CCDC7: variants seen among roughly 807,000 people sequenced by gnomAD.
CCDC7 encodes coiled-coil domain containing 7.
In CCDC7, 183 loss-of-function variants were observed where a neutral mutation model predicts 196.9. The ratio of observed to expected loss-of-function variants is 0.93; its 90% CI spans 0.82 to 1.05. The LOEUF (loss-of-function observed/expected upper bound fraction) is 1.05. Ranked by LOEUF, CCDC7 falls within the 50% of genes least tolerant of loss-of-function variation. CCDC7 has a pLI of 0.00. For synonymous variants in CCDC7, 525 were observed against 484.6 expected (o/e 1.08, Z -1.10); for missense variants, 1,540 against 1,482.2 (o/e 1.04, Z -0.64).
intron 28 of CCDC7, among the ~76,000 whole-genome samples, chr10:32,772,805 G>A (rs571902068): frequency 2.0e-5 from 3 of 152,146 alleles, no homozygotes; most frequent in Non-Finnish European, 4.4e-5. Context: ...GGACTTTCAG[G>A]ATCCCTGGTG....
chr10:32,601,940 G>C (rs1025236580), intron 18 of CCDC7, among the ~76,000 whole-genome samples: 1 of 152,148 alleles, frequency 6.6e-6, no homozygotes, highest in Non-Finnish European at 1.5e-5. Context: ...CAATCAACAG[G>C]ATGTGGGCGG....
At chr10:32,809,983 G>A (rs1160811744) in intron 30 of CCDC7, among the ~76,000 whole-genome samples, 2 of 152,150 alleles carry the variant, frequency 1.3e-5, no homozygotes, top group Non-Finnish European at 2.9e-5. Context: ...GAACTCAAAT[G>A]TCTATCAGTG....
At chr10:32,693,272 T>C (rs1448756279) in intron 23 of CCDC7, among the ~76,000 whole-genome samples, 12 of 152,222 alleles carry the variant, frequency 7.9e-5, no homozygotes, top group African/African-American at 2.9e-4. Context: ...CAAAAAGTTA[T>C]ACTTAGAGGA....
intron 13 of CCDC7, among the ~76,000 whole-genome samples, chr10:32,563,958 A>G (rs1278189423): frequency 6.6e-6 from 1 of 152,216 alleles, no homozygotes; most frequent in Non-Finnish European, 1.5e-5. Context: ...TTACAAGAAA[A>G]AAACAAACAA....
chr10:32,744,558 T>A (rs2074392845), intron 28 of CCDC7, among the ~76,000 whole-genome samples: 1 of 152,212 alleles, frequency 6.6e-6, no homozygotes, highest in African/African-American at 2.4e-5. Flanking sequence ...AATGCACAAT[T>A]TCCTAATGAC....
At chr10:32,746,205 A>G (rs1337917534) in intron 28 of CCDC7, among the ~76,000 whole-genome samples, 1 of 152,166 alleles carries the variant, frequency 6.6e-6, no homozygotes, top group Non-Finnish European at 1.5e-5. Context: ...CTGAAGGAGT[A>G]GGAAGCTGGG....
intron 38 of CCDC7, among the ~76,000 whole-genome samples, chr10:32,848,215 A>C (rs2093394143): frequency 6.6e-6 from 1 of 152,194 alleles, no homozygotes; most frequent in Non-Finnish European, 1.5e-5. Flanking sequence ...AATAAATCTA[A>C]TAAACATTGG....
chr10:32,697,222 C>T (rs1244773460), intron 24 of CCDC7, among the ~76,000 whole-genome samples: 7 of 152,050 alleles, frequency 4.6e-5, no homozygotes, highest in African/African-American at 7.2e-5. Flanking sequence ...CCAAGATGGC[C>T]GAATAGGAAC....
intron 13 of CCDC7, among the ~76,000 whole-genome samples, chr10:32,547,080 A>G (rs1336890425): frequency 2.0e-5 from 3 of 151,830 alleles, no homozygotes; most frequent in East Asian, 3.9e-4. Context: ...GTGCAGTGGC[A>G]TGACCCTAGC....
chr10:32,621,092 A>G (rs1029234840), intron 18 of CCDC7, among the ~76,000 whole-genome samples: 1 of 152,144 alleles, frequency 6.6e-6, no homozygotes, highest in South Asian at 2.1e-4. Context: ...TTTCAGTGTA[A>G]TTACTAATAG....
At chr10:32,580,262 G>T (rs566274881) in intron 16 of CCDC7, among the ~76,000 whole-genome samples, 100 of 152,044 alleles carry the variant, frequency 6.6e-4, no homozygotes, top group Non-Finnish European at 1.3e-3. Context: ...GTCAGCATAA[G>T]AATTATTTAT....
At chr10:32,807,412 G>T (rs1445596403) in intron 30 of CCDC7, among the ~76,000 whole-genome samples, 2 of 152,042 alleles carry the variant, frequency 1.3e-5, no homozygotes, top group African/African-American at 4.8e-5. Flanking sequence ...TGACAAGAGA[G>T]GGGGCTCCAA....
At chr10:32,787,522 C>T (rs892553090) in intron 29 of CCDC7, among the ~76,000 whole-genome samples, 1 of 152,154 alleles carries the variant, frequency 6.6e-6, no homozygotes, top group African/African-American at 2.4e-5. Context: ...TCCTTAACTT[C>T]GGGCAGCACA....
intron 25 of CCDC7, among the ~76,000 whole-genome samples, chr10:32,718,353 GGT>G (rs2081931547): frequency 1.3e-5 from 2 of 152,060 alleles, no homozygotes; most frequent in Non-Finnish European, 2.9e-5. Context: ...CAATAAACTA[GGT>G]AATGATGGGA....
intron 20 of CCDC7, among the ~76,000 whole-genome samples, chr10:32,639,306 G>A (rs1590949592): frequency 6.6e-6 from 1 of 152,170 alleles, no homozygotes; most frequent in East Asian, 1.9e-4. Context: ...TGCTTCTCTA[G>A]TTCTTTTAAT....
intron 9 of CCDC7, chr10:32,511,777 G>A (rs568332540): frequency 6.9e-7 from 1 of 1,444,394 alleles, no homozygotes; most frequent in East Asian, 2.3e-5. Context: ...CAGCCTCCCG[G>A]AAAGCGGTCG....
rs201160812 is a variant in CCDC7, at chr10:32,875,894, A to AT, written c.4112-445dup. Among the ~76,000 whole-genome samples the AT allele has an allele frequency of 6.8e-3, 1,035 of 151,864 alleles. 8 individuals carry two copies. The highest frequency in any genetic ancestry group is 0.022 in the African/African-American group (902 of 41,474). On this transcript the variant is annotated intron_variant, in intron 41 of 41. Transcript: ENST00000639629. ...AACCATAGGCATATTAAGTATATACATTTTTTTTGTATGCCAAAATACAAA... is the reference window on the plus strand; with the variant it reads ...AACCATAGGCATATTAAGTATATACATTTTTTTTTGTATGCCAAAATACAAA...
intron 21 of CCDC7, among the ~76,000 whole-genome samples, chr10:32,666,690 A>G (rs957011396): frequency 9.9e-5 from 15 of 152,116 alleles, no homozygotes; most frequent in Non-Finnish European, 2.1e-4. Context: ...TCCATGTCCT[A>G]CAAAGGACAT....
At chr10:32,650,984 A>G (rs2068658682) in intron 20 of CCDC7, among the ~76,000 whole-genome samples, 1 of 152,086 alleles carries the variant, frequency 6.6e-6, no homozygotes, top group Admixed American at 6.5e-5. Context: ...GAGAAGCACA[A>G]CCTGTTTTCT....
Sources: gnomAD v4.1 joint callset for allele counts (sites outside exome capture counted in the v4.1 genomes callset) on GRCh38, gnomAD v4.1.1 for gene constraint, MANE v1.5 for transcripts, NCBI Gene and HGNC (gene_info 2026-07-23, HGNC 2026-07-21) for gene names.